Variants in CAMTA1 observed in about 807,000 individuals in gnomAD.
CAMTA1 encodes calmodulin binding transcription activator 1.
CAMTA1 carries 27 observed loss-of-function variants against 170.9 expected under a neutral mutation model. That is an observed-to-expected ratio of 0.16 (90% CI 0.12 to 0.22). The LOEUF (loss-of-function observed/expected upper bound fraction) is 0.22. Ranked by LOEUF, CAMTA1 falls within the 10% of genes least tolerant of loss-of-function variation. CAMTA1 has a pLI of 1.00. For missense variants in CAMTA1, 1,619 were observed against 2,217.2 expected, an observed-to-expected ratio of 0.73 and a Z score of 5.42; for synonymous variants, 833 against 891.5, an observed-to-expected ratio of 0.93 and a Z score of 1.17.
intron 3 of CAMTA1, among the ~76,000 whole-genome samples, chr1:6,864,297 G>A (rs2148925014): frequency 6.6e-6 from 1 of 152,268 alleles, no homozygotes; most frequent in South Asian, 2.1e-4. Flanking sequence ...CACTGCTGCA[G>A]TCCAAGCCAC....
Position 7,744,909 on chromosome 1 carries a change from C to T in CAMTA1, c.4257C>T (p.Pro1419=), listed in dbSNP as rs2096846324. The change falls in exon 17 of 23, where the codon CCC becomes CCT. Residue 1419 remains proline, a synonymous_variant. Coordinates refer to ENST00000303635, the MANE Select transcript of CAMTA1 (RefSeq NM_015215.4). ...PDRIKQENFV[P]MESSGLERTD... ...GAATCAAGCAGGAGAATTTTGTGCC[C>T]ATGGAGTCCTCAGGATTGGAAAGAA... The T allele has an allele frequency of 1.2e-6, 2 of 1,614,042 alleles. No homozygotes were observed. The highest frequency in any genetic ancestry group is 8.5e-7 in the Non-Finnish European group (1 of 1,180,018).
intron 5 of CAMTA1, among the ~76,000 whole-genome samples, chr1:7,252,511 C>T (rs1666784231): frequency 6.6e-6 from 1 of 152,216 alleles, no homozygotes; most frequent in South Asian, 2.1e-4. Context: ...GGGGTGTGCT[C>T]TGGCACAGTG....
chr1:7,388,262 C>G (rs924671247), intron 5 of CAMTA1: 3 of 152,194 alleles, frequency 2.0e-5, no homozygotes, highest in African/African-American at 7.2e-5. Context: ...GAGCTGCAAA[C>G]ACGCCTTGCT....
At chr1:7,018,738 T>G (rs536454951) in intron 3 of CAMTA1, among the ~76,000 whole-genome samples, 1 of 151,996 alleles carries the variant, frequency 6.6e-6, no homozygotes, top group African/African-American at 2.4e-5. Flanking sequence ...GCTCGGGGAG[T>G]CTATTTCCCG....
intron 4 of CAMTA1, among the ~76,000 whole-genome samples, chr1:7,132,546 CA>C (rs1383981278): frequency 1.3e-5 from 2 of 152,084 alleles, no homozygotes; most frequent in Non-Finnish European, 2.9e-5. Flanking sequence ...GAAAATAGAA[CA>C]AAGAGGTTCT....
rs1553247057 is a variant in CAMTA1 at position 7,680,861 on chromosome 1, C to CGCGCCAGCAG, written c.2914+3128_2914+3129insGCGCCAGCAG. Among the ~76,000 whole-genome samples, 26 of 136,564 alleles carry CGCGCCAGCAG rather than the reference C, an allele frequency of 1.9e-4. 2 individuals carry two copies. The South Asian group carries it at 5.1e-3, about 27-fold the overall frequency. 89.6% of individuals were successfully genotyped at this position (136,564 alleles called of 152,430 possible). ...GAGAACACGCGCGCGCGCGCGCGCG[C>CGCGCCAGCAG]CAGCAGCAGCAGCAGCAGCAGCTGC... On this transcript the variant is annotated intron_variant, in intron 11 of 22. Transcript: ENST00000303635. The surrounding 1 kb of genome is among the most constrained non-coding windows in gnomAD (Gnocchi z 4.4).
chr1:7,175,546 G>T (rs147206132), intron 4 of CAMTA1, among the ~76,000 whole-genome samples: 2 of 152,240 alleles, frequency 1.3e-5, no homozygotes, highest in African/African-American at 2.4e-5. Flanking sequence ...ATTAAAGTGC[G>T]GAATCCCAGC....
intron 6 of CAMTA1, among the ~76,000 whole-genome samples, chr1:7,486,967 G>C (rs2093626605): frequency 6.6e-6 from 1 of 152,152 alleles, no homozygotes; most frequent in Non-Finnish European, 1.5e-5. Context: ...CTGGGCCTCA[G>C]CTTCCTCACC....
At chr1:7,253,349 G>A (rs569794036) in intron 5 of CAMTA1, among the ~76,000 whole-genome samples, 1 of 152,248 alleles carries the variant, frequency 6.6e-6, no homozygotes, top group South Asian at 2.1e-4. Flanking sequence ...GGGCCACACT[G>A]GAAGAATTCC....
intron 6 of CAMTA1, among the ~76,000 whole-genome samples, chr1:7,508,940 C>G (rs1473363499): frequency 1.3e-5 from 2 of 152,104 alleles, no homozygotes; most frequent in South Asian, 2.1e-4. Context: ...CCTTCCCATA[C>G]AGGGCTGGAA....
At chr1:7,123,196 C>G (rs1358906426) in intron 4 of CAMTA1, among the ~76,000 whole-genome samples, 1 of 152,118 alleles carries the variant, frequency 6.6e-6, no homozygotes, top group Non-Finnish European at 1.5e-5. Flanking sequence ...AAGCCTGTTT[C>G]CCTCTTTGGC....
At chr1:7,120,736 G>T (rs1644595385) in intron 4 of CAMTA1, among the ~76,000 whole-genome samples, 1 of 152,180 alleles carries the variant, frequency 6.6e-6, no homozygotes. Context: ...GCCTCCCTTT[G>T]TGGAGTAGGA....
At chr1:7,662,359 AT>A (rs1484321399) in intron 8 of CAMTA1, among the ~76,000 whole-genome samples, 1 of 151,934 alleles carries the variant, frequency 6.6e-6, no homozygotes, top group Admixed American at 6.6e-5. Flanking sequence ...TGATAATGGT[AT>A]TTGCTCTTTG....
chr1:7,703,231 C>T (rs1345698002), intron 11 of CAMTA1, among the ~76,000 whole-genome samples: 5 of 151,848 alleles, frequency 3.3e-5, no homozygotes, highest in Admixed American at 3.3e-4. Flanking sequence ...AGGAGTCTCC[C>T]TAGCAGATAA....
At chr1:7,710,281 C>T (rs2096559545) in intron 11 of CAMTA1, among the ~76,000 whole-genome samples, 1 of 152,174 alleles carries the variant, frequency 6.6e-6, no homozygotes, top group African/African-American at 2.4e-5. Context: ...AGTGACAAAA[C>T]TCCACCTCAG....
chr1:7,590,654 G>A (rs772698864), intron 6 of CAMTA1, among the ~76,000 whole-genome samples: 10 of 152,186 alleles, frequency 6.6e-5, no homozygotes, highest in Non-Finnish European at 1.2e-4. Context: ...ACCAGACAGC[G>A]CTAATTTTGG....
At chr1:7,100,272 G>A (rs943419119) in intron 4 of CAMTA1, among the ~76,000 whole-genome samples, 2 of 152,144 alleles carry the variant, frequency 1.3e-5, no homozygotes, top group Admixed American at 6.5e-5. Flanking sequence ...ATCCACACTC[G>A]TCTCTGTTCC....
chr1:6,937,551 T>TCATC (rs1557856179), intron 3 of CAMTA1, among the ~76,000 whole-genome samples: 13 of 630 alleles, frequency 0.021, 4 homozygotes, highest in Non-Finnish European at 0.028. Context: ...CACTTACCAC[T>TCATC]ACCATCATCA....
chr1:7,343,421 C>T (rs1261793297), intron 5 of CAMTA1, among the ~76,000 whole-genome samples: 1 of 152,174 alleles, frequency 6.6e-6, no homozygotes, highest in Non-Finnish European at 1.5e-5. Context: ...CTGGAACCTC[C>T]ATTATCTGTG....
Sources: allele counts gnomAD v4.1 joint callset (sites outside exome capture counted in the v4.1 genomes callset), GRCh38; gene constraint gnomAD v4.1.1; non-coding constraint Gnocchi (gnomAD v3.1); transcripts MANE v1.5; gene names NCBI Gene and HGNC (gene_info 2026-07-23, HGNC 2026-07-21).